LPAR1: variants seen among roughly 807,000 people sequenced by gnomAD.
The protein encoded by LPAR1 is lysophosphatidic acid receptor 1, also known as LPA receptor 1.
A neutral mutation model predicts 23.8 loss-of-function variants in LPAR1; 5 were observed. That is an observed-to-expected ratio of 0.21 (90% CI 0.11 to 0.44). The LOEUF (loss-of-function observed/expected upper bound fraction) is 0.44, where lower values mean the gene tolerates loss of function less well. Among genes scored for constraint, LPAR1 ranks in the 20% least tolerant of loss-of-function variants. The pLI, the probability that LPAR1 is intolerant of heterozygous loss-of-function variation, is 0.99. For synonymous variants in LPAR1, 160 were observed against 164.7 expected (o/e 0.97, Z 0.22); for missense variants, 311 against 482.8 (o/e 0.64, Z 3.33).
intron 5 of LPAR1, among the ~76,000 whole-genome samples, chr9:110,900,012 T>A (rs981769094): frequency 6.6e-6 from 1 of 152,106 alleles, no homozygotes; most frequent in African/African-American, 2.4e-5. Context: ...AAAAGTTATA[T>A]GAGACAAATA....
chr9:110,957,783 G>A (rs2095813729), intron 4 of LPAR1, among the ~76,000 whole-genome samples: 1 of 152,062 alleles, frequency 6.6e-6, no homozygotes, highest in South Asian at 2.1e-4. Flanking sequence ...TTGGAAAAGA[G>A]GAAGGCAAAT....
intron 2 of LPAR1, among the ~76,000 whole-genome samples, chr9:110,982,641 T>TA (rs1483711723): frequency 1.3e-5 from 2 of 151,250 alleles, no homozygotes; most frequent in Non-Finnish European, 2.9e-5. Context: ...AAAATAAAAA[T>TA]AAAAAAATTT....
At chr9:111,024,057 T>C (rs1254444227) in intron 2 of LPAR1, among the ~76,000 whole-genome samples, 1 of 152,152 alleles carries the variant, frequency 6.6e-6, no homozygotes, top group Admixed American at 6.5e-5. Context: ...AGGCATTATT[T>C]CCACTAACTA....
intron 1 of LPAR1, among the ~76,000 whole-genome samples, chr9:111,036,907 A>C (rs1273992023): frequency 1.3e-5 from 2 of 152,232 alleles, no homozygotes; most frequent in Non-Finnish European, 2.9e-5. Context: ...AAGGGCAGAA[A>C]GAACTAGGTG....
rs146247341 is a variant in LPAR1 at position 110,898,599 on chromosome 9, G to C, written c.794-22877C>G. 5.9e-3 allele frequency among the ~76,000 whole-genome samples: 904 copies of C among 152,278 alleles called. 9 individuals are homozygous for C. The highest frequency in any genetic ancestry group is 0.02 in the African/African-American group (844 of 41,562). ...CATCGGGTTTACAGCACACGTTCAC[G>C]AGATGAAGACAGCTATGTTTAAAAG... is the stretch of plus-strand genomic sequence containing the variant. On this transcript the variant is annotated intron_variant, in intron 5 of 5. Transcript: ENST00000683809.
intron 5 of LPAR1, among the ~76,000 whole-genome samples, chr9:110,907,887 TC>T (rs2091621457): frequency 6.9e-6 from 1 of 145,690 alleles, no homozygotes; most frequent in South Asian, 2.2e-4. Context: ...AACTTTCACA[TC>T]AAAAAAGAAA....
chr9:110,937,256 A>C (rs761965534), intron 5 of LPAR1, among the ~76,000 whole-genome samples: 2 of 152,248 alleles, frequency 1.3e-5, no homozygotes, highest in Non-Finnish European at 2.9e-5. Flanking sequence ...AAATGAGATC[A>C]CAGTGTTTCA....
chr9:110,878,861 C>G (rs2079878464), intron 5 of LPAR1, among the ~76,000 whole-genome samples: 1 of 152,124 alleles, frequency 6.6e-6, no homozygotes, highest in African/African-American at 2.4e-5. Flanking sequence ...TGAGACAATA[C>G]TATCCTGATT....
At chr9:110,964,231 C>T (rs2096113206) in intron 4 of LPAR1, among the ~76,000 whole-genome samples, 1 of 152,166 alleles carries the variant, frequency 6.6e-6, no homozygotes, top group Non-Finnish European at 1.5e-5. Context: ...CCTTTTTAAA[C>T]CTTAAGAGTC....
chr9:110,996,837 G>A (rs533448225), intron 2 of LPAR1, among the ~76,000 whole-genome samples: 4 of 152,260 alleles, frequency 2.6e-5, no homozygotes, highest in African/African-American at 7.2e-5. Context: ...TGGTGGTAGC[G>A]ATGGAGGTAA....
chr9:110,979,312 A>G (rs1045696888), intron 2 of LPAR1, among the ~76,000 whole-genome samples: 2 of 152,010 alleles, frequency 1.3e-5, no homozygotes, highest in African/African-American at 2.4e-5. Context: ...AAAAAAAAAA[A>G]GTAAAGAAGA....
intron 4 of LPAR1, among the ~76,000 whole-genome samples, chr9:110,961,632 A>G (rs1281488401): frequency 6.6e-6 from 1 of 151,434 alleles, no homozygotes; most frequent in Non-Finnish European, 1.5e-5. Context: ...AAAAAAAAAA[A>G]AAAAAAAAGA....
At chr9:110,946,218 A>G (rs1317024309) in intron 4 of LPAR1, among the ~76,000 whole-genome samples, 1 of 152,178 alleles carries the variant, frequency 6.6e-6, no homozygotes, top group Non-Finnish European at 1.5e-5. Context: ...AGGCACATAT[A>G]GGAAAAAAAT....
intron 2 of LPAR1, among the ~76,000 whole-genome samples, chr9:111,008,747 T>G (rs1391018262): frequency 2.0e-5 from 3 of 152,174 alleles, no homozygotes; most frequent in Non-Finnish European, 4.4e-5. Flanking sequence ...AAACTGGGGA[T>G]GACCTGAATT....
intron 5 of LPAR1, among the ~76,000 whole-genome samples, chr9:110,885,060 C>T (rs377483077): frequency 1.1e-4 from 16 of 152,150 alleles, no homozygotes; most frequent in Middle Eastern, 3.4e-3. Context: ...GGAGGGCAGG[C>T]GATCAGATTT....
rs546573795 is a variant in LPAR1, at chr9:111,007,510, T to C, written c.-182+28612A>G. Among the ~76,000 whole-genome samples the C allele has an allele frequency of 3.9e-5, 6 of 152,272 alleles. No homozygotes were observed. The South Asian group carries it at 1.0e-3, about 26-fold the overall frequency. On this transcript the variant is annotated intron_variant, in intron 2 of 5. Coordinates refer to ENST00000683809, the MANE Select transcript of LPAR1 (RefSeq NM_001351411.2). ...AAATTTATGAAATACAAATGATCGATGAGCATAAGAAAAAATTGTGCCTAA... is the reference window on the plus strand; with the variant it reads ...AAATTTATGAAATACAAATGATCGACGAGCATAAGAAAAAATTGTGCCTAA...
chr9:111,012,094 T>A (rs188104732), intron 2 of LPAR1, among the ~76,000 whole-genome samples: 1 of 152,166 alleles, frequency 6.6e-6, no homozygotes, highest in Admixed American at 6.5e-5. Context: ...TACAAAAAAA[T>A]TTTTAAATTA....
chr9:110,927,910 G>A (rs910393053), intron 5 of LPAR1, among the ~76,000 whole-genome samples: 1 of 152,060 alleles, frequency 6.6e-6, no homozygotes, highest in Non-Finnish European at 1.5e-5. Context: ...ATGTTGAAGG[G>A]ATTAAAGTGA....
intron 5 of LPAR1, among the ~76,000 whole-genome samples, chr9:110,890,472 C>T (rs2083765035): frequency 6.6e-6 from 1 of 151,844 alleles, no homozygotes; most frequent in East Asian, 1.9e-4. Context: ...AAAAAATAGA[C>T]AAAACAAATC....
Sources: allele counts gnomAD v4.1 joint callset (sites outside exome capture counted in the v4.1 genomes callset), GRCh38; gene constraint gnomAD v4.1.1; transcripts MANE v1.5; gene names NCBI Gene and HGNC (gene_info 2026-07-23, HGNC 2026-07-21).